The following PSEN2 variants were observed in gnomAD, a reference collection of about 807,000 sequenced individuals.
PSEN2 encodes presenilin 2.
In PSEN2, 32 loss-of-function variants were observed where a neutral mutation model predicts 49.1. That is an observed-to-expected ratio of 0.65 (90% CI 0.49 to 0.88). The LOEUF (loss-of-function observed/expected upper bound fraction) is 0.88. Among genes scored for constraint, PSEN2 ranks in the 40% least tolerant of loss-of-function variants. The pLI is 0.00. For synonymous variants in PSEN2, 255 were observed against 244.0 expected (o/e 1.05, Z -0.42); for missense variants, 522 against 586.9 (o/e 0.89, Z 1.14).
intron 3 of PSEN2, chr1:226,880,327 T>C (rs1660892431): frequency 5.8e-6 from 2 of 347,588 alleles, no homozygotes; most frequent in Non-Finnish European, 1.0e-5. Context: ...CAGTGAGCTA[T>C]GATTGCACCA....
chr1:226,872,073 GGAGT>G (rs1660333569), intron 2 of PSEN2, among the ~76,000 whole-genome samples: 1 of 152,222 alleles, frequency 6.6e-6, no homozygotes, highest in Non-Finnish European at 1.5e-5. Flanking sequence ...TCACATGTGG[GGAGT>G]GAGTGGCTTG....
chr1:226,880,401 A>G (rs915151733), intron 3 of PSEN2: 3 of 844,674 alleles, frequency 3.6e-6, no homozygotes, highest in South Asian at 3.9e-5. Flanking sequence ...AAAAAATCAC[A>G]TATATTGTGG....
At chr1:226,875,886 G>A (rs1660597628) in intron 3 of PSEN2, among the ~76,000 whole-genome samples, 1 of 152,154 alleles carries the variant, frequency 6.6e-6, no homozygotes, top group Admixed American at 6.5e-5. Context: ...GGCTTCTTTG[G>A]ATGTTTGATT....
At chr1:226,896,867 G>A (rs1662168252), downstream of PSEN2, among the ~76,000 whole-genome samples, 2 of 152,032 alleles carry the variant, frequency 1.3e-5, no homozygotes, top group East Asian at 1.9e-4. Context: ...TGTGCCCTGG[G>A]GTTCAAACTG....
intron 2 of PSEN2, among the ~76,000 whole-genome samples, chr1:226,874,085 G>A (rs1419798208): frequency 6.6e-6 from 1 of 152,180 alleles, no homozygotes; most frequent in Non-Finnish European, 1.5e-5. Context: ...AGAGAGACTT[G>A]AGAGTTTTGA....
chr1:226,881,845 C>T, intron 3 of PSEN2, 43 bp from the exon 4 acceptor site: 3 of 1,613,056 alleles, frequency 1.9e-6, no homozygotes, highest in South Asian at 2.2e-5. Flanking sequence ...CTGCCTTTGT[C>T]TCACAGGAAA....
At chr1:226,890,486 C>T (rs994388217) in intron 9 of PSEN2, 8 of 331,558 alleles carry the variant, frequency 2.4e-5, no homozygotes, top group Admixed American at 1.2e-4. Flanking sequence ...GGCAGGGGGT[C>T]GGGGAGCAAG....
chr1:226,890,157 G>T (rs749888836), intron 9 of PSEN2, 24 bp downstream of exon 9: 1 of 1,583,510 alleles, frequency 6.3e-7, no homozygotes, highest in African/African-American at 1.3e-5. Flanking sequence ...CCGTGCCTCT[G>T]CCTGACTCGG....
chr1:226,889,934 AT>A (rs1661626916), intron 8 of PSEN2, 100 bp from the exon 9 acceptor site: 2 of 923,858 alleles, frequency 2.2e-6, no homozygotes, highest in Non-Finnish European at 3.6e-6. Flanking sequence ...GAGGCAAGGC[AT>A]GCTCTGAGAG....
chr1:226,900,422 C>T (rs140596295), downstream of PSEN2, among the ~76,000 whole-genome samples: 314 of 152,226 alleles, frequency 2.1e-3, no homozygotes, highest in Middle Eastern at 0.014. Flanking sequence ...GATTGCAAGC[C>T]GATGAAACTA....
In PSEN2 at chr1:226,894,012, G is replaced by T. The variant is rs563053551; in HGVS notation, c.1078G>T (p.Val360Leu). ...EELEEEEERG[V>L]KLGLGDFIFY... ...TACTGTCTCTCCTCACACAGGGGGC[G>T]TGAAGCTTGGCCTCGGGGACTTCAT... Residue 360 changes from valine to leucine, a missense_variant, in exon 12 of 13, where the codon GTG (valine) becomes TTG (leucine). Val to Leu is a conservative substitution (Grantham distance 32). Transcript: ENST00000366783. The T allele has an allele frequency of 1.2e-6, 2 of 1,613,618 alleles. No individual in the cohort carries two copies. Among genetic ancestry groups the T allele is most frequent in the Admixed American group, 1.7e-5 (1 of 60,010 alleles).
chr1:226,878,402 G>A (rs1362332304), intron 3 of PSEN2, among the ~76,000 whole-genome samples: 1 of 152,030 alleles, frequency 6.6e-6, no homozygotes, highest in African/African-American at 2.4e-5. Flanking sequence ...ATGGAGACGT[G>A]GGAATTGTAA....
chr1:226,877,313 A>T (rs913820683), intron 3 of PSEN2, among the ~76,000 whole-genome samples: 1 of 152,196 alleles, frequency 6.6e-6, no homozygotes, highest in Admixed American at 6.5e-5. Flanking sequence ...GTCCAGACAC[A>T]CTACCTAGGT....
intron 4 of PSEN2, among the ~76,000 whole-genome samples, 180 bp downstream of exon 4, chr1:226,882,228 C>G (rs1260507740): frequency 1.3e-5 from 2 of 152,234 alleles, no homozygotes; most frequent in Admixed American, 1.3e-4. Context: ...TTTCATAGGA[C>G]TGCGCATTCA....
chr1:226,881,860 A>G (rs985917748), intron 3 of PSEN2, 28 bp from the exon 4 acceptor site: 1 of 1,614,132 alleles, frequency 6.2e-7, no homozygotes, highest in African/African-American at 1.3e-5. Context: ...AGGAAAGTGG[A>G]ACAAGGTCCT....
At position 226,882,040 on chromosome 1, in the gene PSEN2, GC is replaced by G; in HGVS notation, c.136del (p.Gln46SerfsTer34). 2 of 1,613,984 alleles carry G rather than the reference GC, an allele frequency of 1.2e-6. No homozygotes were observed. Among genetic ancestry groups the G allele is most frequent in the Non-Finnish European group, 1.7e-6 (2 of 1,180,038 alleles). ...RQGPEDGENT[A>X]QWRSQENEED... is the part of the protein sequence containing the mutation. ...GGGCCCAGAGGATGGAGAGAACACT[GC>G]CCAGTGGGTAGGTCCCACCAGCAGC... On this transcript the variant is annotated frameshift_variant, in exon 4 of 13. Transcript: ENST00000366783. LOFTEE classifies it high-confidence loss of function.
rs548247524 is a variant in PSEN2 at position 226,876,028 on chromosome 1, CA to C, written c.-21+479del. 1.5e-4 allele frequency among the ~76,000 whole-genome samples: 23 copies of C among 152,300 alleles called. No homozygotes were observed. In the South Asian group the frequency reaches 4.6e-3, roughly 30 times the overall value. ...TGCCACTTCTCTAGAGAATGGGGTG[CA>C]GGGGGTGGGAGACGGGGAAAGCTGG... On this transcript the variant is annotated intron_variant, in intron 3 of 12. Coordinates refer to ENST00000366783, the MANE Select transcript of PSEN2 (RefSeq NM_000447.3).
chr1:226,887,322 G>A (rs1030340464), intron 6 of PSEN2, among the ~76,000 whole-genome samples: 1 of 152,194 alleles, frequency 6.6e-6, no homozygotes, highest in African/African-American at 2.4e-5. Context: ...CAGCAGGGCC[G>A]TGGAGGCTGC....
At chr1:226,885,776 A>G in intron 6 of PSEN2, 97 bp downstream of exon 6, 2 of 1,499,026 alleles carry the variant, frequency 1.3e-6, no homozygotes, top group East Asian at 2.3e-5. Flanking sequence ...GAAAAACACA[A>G]ATTAGAGGAA....
Sources: allele counts gnomAD v4.1 joint callset (sites outside exome capture counted in the v4.1 genomes callset), GRCh38; gene constraint gnomAD v4.1.1; transcripts MANE v1.5; gene names NCBI Gene and HGNC (gene_info 2026-07-23, HGNC 2026-07-21).